RBFOX1: variants seen among roughly 807,000 people sequenced by gnomAD.
RBFOX1 encodes the protein RNA binding fox-1 homolog 1.
RBFOX1 carries 8 observed loss-of-function variants against 57.7 expected under a neutral mutation model. The ratio of observed to expected loss-of-function variants is 0.14; its 90% CI spans 0.08 to 0.25. The LOEUF is 0.25. Among genes scored for constraint, RBFOX1 ranks in the 10% least tolerant of loss-of-function variants. RBFOX1 has a pLI of 1.00. For synonymous variants in RBFOX1, 326 were observed against 222.4 expected, an observed-to-expected ratio of 1.47 and a Z score of -4.15; for missense variants, 611 against 548.5, an observed-to-expected ratio of 1.11 and a Z score of -1.14.
chr16:6,516,264 G>C (rs976715246), intron 2 of RBFOX1, among the ~76,000 whole-genome samples: 1 of 152,112 alleles, frequency 6.6e-6, no homozygotes, highest in Non-Finnish European at 1.5e-5. Context: ...CCTGACCTCA[G>C]GTGAGACTTC....
chr16:5,276,737 C>T (rs2063151343), intron 1 of RBFOX1, among the ~76,000 whole-genome samples: 1 of 152,098 alleles, frequency 6.6e-6, no homozygotes, highest in Admixed American at 6.6e-5. Flanking sequence ...AGCTGATATA[C>T]TCCAGCCTGT....
intron 1 of RBFOX1, among the ~76,000 whole-genome samples, chr16:5,312,394 C>G (rs974622740): frequency 6.6e-6 from 1 of 152,226 alleles, no homozygotes; most frequent in Non-Finnish European, 1.5e-5. Flanking sequence ...TCGTGGCTCA[C>G]TGCCACCTCT....
chr16:6,533,190 T>C (rs777634736), intron 2 of RBFOX1, among the ~76,000 whole-genome samples: 1 of 152,234 alleles, frequency 6.6e-6, no homozygotes, highest in Non-Finnish European at 1.5e-5. Flanking sequence ...ACCCTGATAC[T>C]GAGTTGTGGA....
At chr16:7,117,079 C>G (rs1250319130) in intron 4 of RBFOX1, among the ~76,000 whole-genome samples, 1 of 151,998 alleles carries the variant, frequency 6.6e-6, no homozygotes. Flanking sequence ...TACTCAAAAG[C>G]AGCTAAAATA....
Position 6,444,279 on chromosome 16 carries a change from A to G in RBFOX1, c.-64+127222A>G, listed in dbSNP as rs74441221. 4.6e-3 allele frequency among the ~76,000 whole-genome samples: 699 copies of G among 152,214 alleles called. 4 individuals are homozygous for G. The highest frequency in any genetic ancestry group is 0.016 in the African/African-American group (660 of 41,536). Reference sequence around the variant, plus strand: ...CCCAGGACCCGGCACAATGCCTGGCACATGGTGGACGCCCAAGGGCTCCAA... The same window carrying G: ...CCCAGGACCCGGCACAATGCCTGGCGCATGGTGGACGCCCAAGGGCTCCAA... On this transcript the variant is annotated intron_variant, in intron 2 of 15. Coordinates refer to ENST00000550418, the MANE Select transcript of RBFOX1 (RefSeq NM_018723.4).
At chr16:5,753,823 T>C (rs1597109842) in intron 3 of RBFOX1, among the ~76,000 whole-genome samples, 1 of 151,474 alleles carries the variant, frequency 6.6e-6, no homozygotes, top group East Asian at 1.9e-4. Context: ...TACAAATAAG[T>C]AGAGAGCTGT....
chr16:6,629,218 A>G (rs1427686767), intron 2 of RBFOX1, among the ~76,000 whole-genome samples: 1 of 152,198 alleles, frequency 6.6e-6, no homozygotes, highest in Non-Finnish European at 1.5e-5. Context: ...GTTCTTCTGT[A>G]TTTGGCAATT....
At chr16:7,022,046 C>G (rs2039433482) in intron 3 of RBFOX1, among the ~76,000 whole-genome samples, 1 of 91,728 alleles carries the variant, frequency 1.1e-5, no homozygotes, top group Non-Finnish European at 2.1e-5. Context: ...CCCCTTCCCC[C>G]TCCCCTTCCC....
At chr16:7,218,628 CTGTGTGTGTGTGTGTGTGTG>C (rs60333818) in intron 4 of RBFOX1, among the ~76,000 whole-genome samples, 35 of 127,536 alleles carry the variant, frequency 2.7e-4, no homozygotes, top group African/African-American at 7.5e-4. Flanking sequence ...TGGGGGTTTG[CTGTGTGTGTGTGTGTGTGTG>C]TGTGTGTGTG....
chr16:6,486,960 C>T (rs2095496723), intron 2 of RBFOX1, among the ~76,000 whole-genome samples: 1 of 152,106 alleles, frequency 6.6e-6, no homozygotes, highest in African/African-American at 2.4e-5. Flanking sequence ...TCTTGCACGG[C>T]ACCAAGAGAA....
chr16:6,315,853 C>G (rs557188409), intron 1 of RBFOX1, among the ~76,000 whole-genome samples: 1 of 152,188 alleles, frequency 6.6e-6, no homozygotes, highest in East Asian at 1.9e-4. Context: ...AGAGGGGACT[C>G]ACCAGATGTG....
intron 2 of RBFOX1, among the ~76,000 whole-genome samples, chr16:6,448,944 C>T (rs2094539486): frequency 6.6e-6 from 1 of 150,412 alleles, no homozygotes; most frequent in African/African-American, 2.4e-5. Context: ...AGAAAAAAGG[C>T]ATACATTTTC....
At chr16:6,518,355 T>A (rs1273354690) in intron 2 of RBFOX1, among the ~76,000 whole-genome samples, 24 of 152,164 alleles carry the variant, frequency 1.6e-4, no homozygotes, top group Admixed American at 1.6e-3. Flanking sequence ...GAGAGATTCA[T>A]GGCTCAAGGC....
intron 4 of RBFOX1, among the ~76,000 whole-genome samples, chr16:7,392,793 A>G (rs8050422): frequency 0.081 from 12,330 of 152,088 alleles, 539 homozygotes; most frequent in East Asian, 0.2. Flanking sequence ...GGATGTCCTC[A>G]GTCCGTGGAT....
At chr16:5,933,160 A>C (rs2059100622) in intron 4 of RBFOX1, among the ~76,000 whole-genome samples, 2 of 152,190 alleles carry the variant, frequency 1.3e-5, no homozygotes, top group African/African-American at 4.8e-5. Flanking sequence ...AGCTGATAGA[A>C]ATAATTTCCT....
At chr16:5,775,496 C>G (rs1341687814) in intron 3 of RBFOX1, among the ~76,000 whole-genome samples, 2 of 152,214 alleles carry the variant, frequency 1.3e-5, no homozygotes. Flanking sequence ...TGTTTTGTCC[C>G]TTCTATCACA....
chr16:6,370,289 C>T (rs1004498518), intron 2 of RBFOX1, among the ~76,000 whole-genome samples: 3 of 127,706 alleles, frequency 2.3e-5, no homozygotes, highest in South Asian at 2.6e-4. Flanking sequence ...ACTCAGGAGG[C>T]GGAGCTTGCA....
chr16:7,572,865 A>ATAAATAAATAAC (rs2092935189), intron 5 of RBFOX1, among the ~76,000 whole-genome samples: 1 of 151,946 alleles, frequency 6.6e-6, no homozygotes, highest in African/African-American at 2.4e-5. Context: ...AAATAAATAA[A>ATAAATAAATAAC]ATGAACCAGC....
At chr16:5,842,865 C>T (rs1478723751) in intron 3 of RBFOX1, among the ~76,000 whole-genome samples, 1 of 152,046 alleles carries the variant, frequency 6.6e-6, no homozygotes. Flanking sequence ...GTCGCCTGGA[C>T]TAGAGTGCAG....
Sources: gnomAD v4.1 joint callset for allele counts (sites outside exome capture counted in the v4.1 genomes callset) on GRCh38, gnomAD v4.1.1 for gene constraint, MANE v1.5 for transcripts, NCBI Gene and HGNC (gene_info 2026-07-23, HGNC 2026-07-21) for gene names.